Variants in STXBP3 observed in about 807,000 individuals in gnomAD.
STXBP3 encodes syntaxin binding protein 3.
STXBP3 carries 41 observed loss-of-function variants against 85.7 expected under a neutral mutation model. The ratio of observed to expected loss-of-function variants is 0.48; its 90% CI spans 0.37 to 0.62. The LOEUF is 0.62. Ranked by LOEUF, STXBP3 falls within the 20% of genes least tolerant of loss-of-function variation. The pLI, the probability that STXBP3 is intolerant of heterozygous loss-of-function variation, is 0.00. For synonymous variants in STXBP3, 229 were observed against 231.7 expected (o/e 0.99, Z 0.10); for missense variants, 563 against 703.1 (o/e 0.80, Z 2.25).
At chr1:108,748,516 T>G (rs1661840073) in intron 1 of STXBP3, among the ~76,000 whole-genome samples, 1 of 145,740 alleles carries the variant, frequency 6.9e-6, no homozygotes, top group Admixed American at 6.8e-5. Flanking sequence ...AGCAAGACCC[T>G]GAGTCTAAAT....
At chr1:108,767,778 G>C (rs1364623325) in intron 6 of STXBP3, among the ~76,000 whole-genome samples, 3 of 151,962 alleles carry the variant, frequency 2.0e-5, no homozygotes, top group Non-Finnish European at 4.4e-5. Flanking sequence ...GCAGAGATGA[G>C]GTCTTGCTAT....
At position 108,809,311 on chromosome 1, in the gene STXBP3, C is replaced by T. The variant is rs1327582711; in HGVS notation, c.*434C>T. 1 of 153,304 alleles carries T rather than the reference C, an allele frequency of 6.5e-6. No individual in the cohort carries two copies. 9.5% of individuals were successfully genotyped at this position (153,304 alleles called of 1,614,324 possible). ...ATGTATATGTATGATAGAATTGTTT[C>T]CTCTAAGTGTAGTTTTTCTTTCAAC... On this transcript the variant is annotated 3_prime_UTR_variant, in exon 19 of 19. Transcript: ENST00000370008.
At chr1:108,798,298 T>C (rs1345376504) in intron 16 of STXBP3, 61 bp downstream of exon 16, 3 of 1,397,740 alleles carry the variant, frequency 2.1e-6, no homozygotes, top group Non-Finnish European at 3.0e-6. Flanking sequence ...TTCTTTACTT[T>C]TTGTAGTTTA....
chr1:108,795,469 C>T (rs1663069095), intron 13 of STXBP3, among the ~76,000 whole-genome samples: 4 of 150,854 alleles, frequency 2.7e-5, no homozygotes, highest in Admixed American at 1.3e-4. Context: ...TTGAGGGCAG[C>T]CTGGGCAAGA....
At chr1:108,771,220 C>CTAAAGCAGGAGAGGAGAGT (rs1662390367) in intron 6 of STXBP3, among the ~76,000 whole-genome samples, 2 of 149,342 alleles carry the variant, frequency 1.3e-5, no homozygotes, top group Non-Finnish European at 3.0e-5. Context: ...GAGAGGAGAG[C>CTAAAGCAGGAGAGGAGAGT]GAGAAAAGAA....
intron 6 of STXBP3, among the ~76,000 whole-genome samples, chr1:108,771,928 ATCTG>A (rs1662450229): frequency 4.9e-5 from 2 of 40,588 alleles, no homozygotes; most frequent in African/African-American, 1.3e-4. Flanking sequence ...TATGATATCT[ATCTG>A]TATCATATAT....
intron 3 of STXBP3, among the ~76,000 whole-genome samples, chr1:108,755,446 CA>C (rs1661998736): frequency 6.6e-6 from 1 of 150,680 alleles, no homozygotes; most frequent in Non-Finnish European, 1.5e-5. Flanking sequence ...GACCTTATTT[CA>C]AAAAAATAAA....
intron 3 of STXBP3, 195 bp downstream of exon 3, chr1:108,753,339 C>T: frequency 2.7e-6 from 1 of 366,868 alleles, no homozygotes; most frequent in Non-Finnish European, 4.9e-6. Flanking sequence ...ATAATTAAGA[C>T]CTCTAACCAA....
chr1:108,807,166 T>C (rs931796615), intron 17 of STXBP3, among the ~76,000 whole-genome samples: 5 of 151,040 alleles, frequency 3.3e-5, no homozygotes, highest in Admixed American at 2.0e-4. Flanking sequence ...ACAGGAGAAT[T>C]GCTTGAACTG....
rs1041895824 is a variant in STXBP3, at chr1:108,809,015, G to C, written c.*138G>C. ...TTTCAAATACATTTCTTAAGGAACT[G>C]TTTATGATTATTACTGGATTTGTCA... On this transcript the variant is annotated 3_prime_UTR_variant, in exon 19 of 19. Coordinates refer to ENST00000370008, the MANE Select transcript of STXBP3 (RefSeq NM_007269.4). The C allele has an allele frequency of 3.4e-6, 2 of 581,042 alleles. No individual in the cohort carries two copies. Among genetic ancestry groups the C allele is most frequent in the Non-Finnish European group, 5.9e-6 (2 of 341,842 alleles). 36.0% of individuals were successfully genotyped at this position (581,042 alleles called of 1,614,324 possible). A position where few individuals can be genotyped will look rare whatever the true frequency, so the allele number is the denominator to read the frequency against.
chr1:108,793,469 A>T, intron 11 of STXBP3, 113 bp from the exon 12 acceptor site: 1 of 918,250 alleles, frequency 1.1e-6, no homozygotes, highest in Non-Finnish European at 1.6e-6. Flanking sequence ...AAATTGTCAA[A>T]TATTCAGTAA....
intron 1 of STXBP3, among the ~76,000 whole-genome samples, chr1:108,750,244 C>T (rs1297361678): frequency 6.6e-6 from 1 of 152,050 alleles, no homozygotes; most frequent in Non-Finnish European, 1.5e-5. Context: ...AGGAATGAAG[C>T]TAGCTTTGAA....
At position 108,756,680 on chromosome 1, in the gene STXBP3, T is replaced by G. The variant is rs1442290891; in HGVS notation, c.182-10T>G. On this transcript the variant is annotated splice_polypyrimidine_tract_variant and intron_variant, in intron 3 of 18. Transcript: ENST00000370008. ...ATTTGGTTATATAAAATGACCTTTT[T>G]TCTTGTTAGTTGTAGAGAATATTTA... The G allele has an allele frequency of 6.6e-7, 1 of 1,517,084 alleles. No individual in the cohort carries two copies. The highest frequency in any genetic ancestry group is 1.4e-5 in the African/African-American group (1 of 71,968). 94.0% of individuals were successfully genotyped at this position (1,517,084 alleles called of 1,614,324 possible).
chr1:108,763,305 A>G (rs986060554), intron 6 of STXBP3, among the ~76,000 whole-genome samples: 1 of 152,154 alleles, frequency 6.6e-6, no homozygotes, highest in African/African-American at 2.4e-5. Flanking sequence ...CCATTGGATA[A>G]CCCCTTTTAT....
In STXBP3 at chr1:108,752,293, A is replaced by G. The variant is rs145155060; in HGVS notation, c.86A>G (p.Glu29Gly). ...ACAGTGTTTGATGACTGCAAGAAAG[A>G]AGGCGAATGGAAGGTAGAGTTTGCA... ...KATVFDDCKKEGEWKIMLLDE... is the reference protein window; with the variant it reads ...KATVFDDCKKGGEWKIMLLDE... The change falls in exon 2 of 19, where the codon GAA becomes GGA. Residue 29 changes from glutamate (E) to glycine (G), a missense_variant. Coordinates refer to ENST00000370008, the MANE Select transcript of STXBP3 (RefSeq NM_007269.4). The G allele has an allele frequency of 1.9e-5, 31 of 1,611,818 alleles. No homozygotes were observed. The African/African-American group carries it at 4.0e-4, about 21-fold the overall frequency.
At chr1:108,782,626 A>G in intron 10 of STXBP3, 23 bp from the exon 11 acceptor site, 1 of 1,603,102 alleles carries the variant, frequency 6.2e-7, no homozygotes, top group Admixed American at 1.7e-5. Flanking sequence ...AGAAATTTAA[A>G]GAATTCTCTC....
chr1:108,792,574 T>C (rs1662999128), intron 11 of STXBP3, among the ~76,000 whole-genome samples: 1 of 152,214 alleles, frequency 6.6e-6, no homozygotes, highest in Non-Finnish European at 1.5e-5. Context: ...ACTATAGCCA[T>C]CATTGTGATA....
chr1:108,801,796 G>C (rs148464152), intron 17 of STXBP3, among the ~76,000 whole-genome samples: 1 of 151,934 alleles, frequency 6.6e-6, no homozygotes, highest in African/African-American at 2.4e-5. Flanking sequence ...AGCCTCCCAG[G>C]TAGCTAAGGT....
At chr1:108,747,180 A>G (rs1016278320) in intron 1 of STXBP3, among the ~76,000 whole-genome samples, 4 of 52,416 alleles carry the variant, frequency 7.6e-5, no homozygotes, top group Admixed American at 1.5e-4. Context: ...ATCCGAGACA[A>G]TTCGGGCGCT....
Sources: gnomAD v4.1 joint callset for allele counts (sites outside exome capture counted in the v4.1 genomes callset) on GRCh38, gnomAD v4.1.1 for gene constraint, MANE v1.5 for transcripts, NCBI Gene and HGNC (gene_info 2026-07-23, HGNC 2026-07-21) for gene names.